The following ZNF888 variants were observed in gnomAD, a reference collection of about 807,000 sequenced individuals.
The protein encoded by ZNF888 is CTD-2331H12.6.
Under a neutral mutation model 7.2 loss-of-function variants are expected in ZNF888, and 5 were observed. The observed-to-expected ratio is 0.70, with a 90% CI of 0.36 to 1.46. The LOEUF (loss-of-function observed/expected upper bound fraction) is 1.46. Ranked by LOEUF, ZNF888 falls within the 40% of genes most tolerant of loss-of-function variation. ZNF888 has a pLI of 0.03. For synonymous variants in ZNF888, 240 were observed against 284.3 expected (o/e 0.84, Z 1.57); for missense variants, 716 against 858.0 (o/e 0.83, Z 2.07).
chr19:52,908,876 G>A (rs2064642990), intron 4 of ZNF888, among the ~76,000 whole-genome samples: 1 of 147,774 alleles, frequency 6.8e-6, no homozygotes, highest in South Asian at 2.1e-4. Context: ...GCAGGGCTTG[G>A]TGGCCCACAC....
At position 52,915,218 on chromosome 19, in the gene ZNF888, A is replaced by G. The variant is rs4803021; in HGVS notation, c.120T>C (p.Asn40=). 0.11 allele frequency: 150,734 copies of G among 1,342,250 alleles called. 16,596 individuals carry two copies. The highest frequency in any genetic ancestry group is 0.35 in the Admixed American group (15,146 of 42,828). 83.1% of individuals were successfully genotyped at this position (1,342,250 alleles called of 1,614,324 possible). ...RTLYRDVMLE[N]YRNLVSLDIS... Reference sequence around the variant, plus strand: ...CACCCAGGGAGACCAGGTTCCTATAATTCTCCAGCATCACGTCTCTGTATA... The same window carrying G: ...CACCCAGGGAGACCAGGTTCCTATAGTTCTCCAGCATCACGTCTCTGTATA... The change falls in exon 4 of 5, where the codon AAT becomes AAC. Residue 40 remains asparagine, a synonymous_variant. Transcript: ENST00000638862.
Position 52,906,045 on chromosome 19 carries a change from T to A in ZNF888, c.*120A>T, listed in dbSNP as rs1600673821. The A allele has an allele frequency of 1.4e-6, 2 of 1,418,624 alleles. No individual in the cohort carries two copies. The highest frequency in any genetic ancestry group is 2.0e-6 in the Non-Finnish European group (2 of 1,004,478). The allele number at this position is 1,418,624 out of a possible 1,614,324, so 87.9% of individuals were successfully genotyped here. On this transcript the variant is annotated 3_prime_UTR_variant, in exon 5 of 5. Coordinates refer to ENST00000638862, the MANE Select transcript of ZNF888 (RefSeq NM_001393938.1). The stretch of plus-strand genomic sequence containing the variant: ...GAGTTCACCCATGAACTACAGCGTA[T>A]GAACGATGTCTGAAAAATTTGCCAC...
intron 4 of ZNF888, among the ~76,000 whole-genome samples, chr19:52,909,396 C>T (rs2064650791): frequency 6.6e-6 from 1 of 151,716 alleles, no homozygotes; most frequent in African/African-American, 2.4e-5. Context: ...TACAGGCACA[C>T]ACCACCATGC....
At chr19:52,908,974 G>T (rs1004861313) in intron 4 of ZNF888, among the ~76,000 whole-genome samples, 12 of 150,826 alleles carry the variant, frequency 8.0e-5, no homozygotes, top group African/African-American at 2.9e-4. Context: ...GCAAAACCCC[G>T]TCTCTACTAA....
intron 4 of ZNF888, among the ~76,000 whole-genome samples, chr19:52,911,665 G>A (rs1600680238): frequency 6.6e-6 from 1 of 152,014 alleles, no homozygotes; most frequent in Non-Finnish European, 1.5e-5. Context: ...TAACAGGACA[G>A]TGAAATGACA....
At chr19:52,921,701 G>A in intron 1 of ZNF888, 1 of 970,944 alleles carries the variant, frequency 1.0e-6, no homozygotes, top group Non-Finnish European at 1.2e-6. Flanking sequence ...GCCGAGGTAG[G>A]TGGATCACCT....
chr19:52,923,415 G>C lies in ZNF888; in HGVS notation c.-224C>G, dbSNP rs34829955. ...CCACGCGATCCGCTTCCTGGTCCGGGCGAATCTACAAGCACAGGACAGAAG... is the reference window on the plus strand; with the variant it reads ...CCACGCGATCCGCTTCCTGGTCCGGCCGAATCTACAAGCACAGGACAGAAG... On this transcript the variant is annotated 5_prime_UTR_variant, in exon 1 of 5. Coordinates refer to ENST00000638862, the MANE Select transcript of ZNF888 (RefSeq NM_001393938.1). 2,718 of 985,416 alleles carry C rather than the reference G, an allele frequency of 2.8e-3. 7 individuals carry two copies. Among genetic ancestry groups the C allele is most frequent in the Middle Eastern group, 8.3e-3 (16 of 1,920 alleles). The allele number at this position is 985,416 out of a possible 1,614,324, so 61.0% of individuals were successfully genotyped here.
At chr19:52,916,159 A>C (rs1001116969) in intron 3 of ZNF888, among the ~76,000 whole-genome samples, 4 of 152,112 alleles carry the variant, frequency 2.6e-5, no homozygotes, top group African/African-American at 9.7e-5. Flanking sequence ...AAAATAAAAA[A>C]TCAGCCGGGC....
At chr19:52,916,114 C>G (rs942785485) in intron 3 of ZNF888, among the ~76,000 whole-genome samples, 1 of 151,922 alleles carries the variant, frequency 6.6e-6, no homozygotes, top group Non-Finnish European at 1.5e-5. Context: ...TCACTGCACT[C>G]CAGCCTGGGC....
At position 52,916,619 on chromosome 19, in the gene ZNF888, T is replaced by TACATATACATATACATATAC. The variant is rs1320149827; in HGVS notation, c.15+1239_15+1240insGTATATGTATATGTATATGT. On this transcript the variant is annotated intron_variant, in intron 3 of 4. Coordinates refer to ENST00000638862, the MANE Select transcript of ZNF888 (RefSeq NM_001393938.1). ...ATATACATACATATACATATACATA[T>TACATATACATATACATATAC]ATATATATATATATATATATATAGG... 7.6e-3 allele frequency among the ~76,000 whole-genome samples: 148 copies of TACATATACATATACATATAC among 19,436 alleles called. 1 individual carries two copies. The highest frequency in any genetic ancestry group is 0.012 in the African/African-American group (141 of 11,454). 12.8% of individuals were successfully genotyped at this position (19,436 alleles called of 152,430 possible).
chr19:52,922,484 T>C (rs375959250), intron 1 of ZNF888, among the ~76,000 whole-genome samples: 6 of 152,160 alleles, frequency 3.9e-5, no homozygotes, highest in East Asian at 1.9e-4. Flanking sequence ...TCTCCCTACC[T>C]TGCTGTCTGT....
At chr19:52,920,315 A>G (rs1276184772) in intron 1 of ZNF888, among the ~76,000 whole-genome samples, 1 of 63,262 alleles carries the variant, frequency 1.6e-5, no homozygotes, top group East Asian at 3.2e-4. Flanking sequence ...GGAAGTAGAC[A>G]TGGGAGACTT....
In ZNF888 at chr19:52,912,897, C is replaced by T. The variant is rs116571061; in HGVS notation, c.142+2299G>A. Among the ~76,000 whole-genome samples the T allele has an allele frequency of 4.2e-3, 638 of 152,122 alleles. 7 individuals are homozygous for T. Among genetic ancestry groups the T allele is most frequent in the African/African-American group, 0.014 (567 of 41,490 alleles). ...ATGAGCCAGGCAGATCAACTGAGGT[C>T]GGGAGTTTGAGACCACCCTAACCTA... On this transcript the variant is annotated intron_variant, in intron 4 of 4. Transcript: ENST00000638862.
chr19:52,910,212 C>T (rs1277268660), intron 4 of ZNF888, among the ~76,000 whole-genome samples: 2 of 150,574 alleles, frequency 1.3e-5, no homozygotes, highest in African/African-American at 4.9e-5. Context: ...TGGTGCATGC[C>T]TGTAATCCCA....
At chr19:52,914,940 C>T (rs1156645995) in intron 4 of ZNF888, among the ~76,000 whole-genome samples, 1 of 152,184 alleles carries the variant, frequency 6.6e-6, no homozygotes, top group African/African-American at 2.4e-5. Context: ...GGATGACAGG[C>T]GTGAGCCACC....
chr19:52,907,293 A>C lies in ZNF888; in HGVS notation c.1029T>G (p.Arg343=), dbSNP rs2064622063. 5.0e-6 allele frequency: 8 copies of C among 1,613,226 alleles called. No homozygotes were observed. Among genetic ancestry groups the C allele is most frequent in the Non-Finnish European group, 6.8e-6 (8 of 1,179,784 alleles). ...KVFNQQSNLA[R]HHRVHTGEKP... ...TCTCTCCAGTATGAACTCTATGATG[A>C]CGTGCAAGGTTTGATTGTTGATTAA... Residue 343 remains arginine, a synonymous_variant, in exon 5 of 5, where the codon CGT becomes CGG. Coordinates refer to ENST00000638862, the MANE Select transcript of ZNF888 (RefSeq NM_001393938.1).
intron 4 of ZNF888, among the ~76,000 whole-genome samples, chr19:52,912,829 C>T (rs1385290409): frequency 7.9e-5 from 12 of 152,054 alleles, no homozygotes; most frequent in Admixed American, 6.6e-4. Flanking sequence ...ACAGATAGGC[C>T]GGACATGGTG....
intron 1 of ZNF888, among the ~76,000 whole-genome samples, chr19:52,920,958 A>AAAAAT (rs1200557425): frequency 6.6e-6 from 1 of 150,912 alleles, no homozygotes; most frequent in African/African-American, 2.4e-5. Context: ...AAAAAAAAAA[A>AAAAAT]AAAAAAAAAA....
chr19:52,908,529 C>T (rs1437415777), intron 4 of ZNF888, among the ~76,000 whole-genome samples: 1 of 152,084 alleles, frequency 6.6e-6, no homozygotes, highest in Non-Finnish European at 1.5e-5. Flanking sequence ...ATATATTCTT[C>T]ATATTTACAG....
Sources: allele counts gnomAD v4.1 joint callset (sites outside exome capture counted in the v4.1 genomes callset), GRCh38; gene constraint gnomAD v4.1.1; transcripts MANE v1.5; gene names NCBI Gene and HGNC (gene_info 2026-07-23, HGNC 2026-07-21).